Variants in ATP10A observed in about 807,000 individuals in gnomAD.
ATP10A encodes phospholipid-transporting ATPase VA.
In ATP10A, 111 loss-of-function variants were observed where a neutral mutation model predicts 147.8. That is an observed-to-expected ratio of 0.75 (90% confidence interval 0.64 to 0.88). ATP10A has a LOEUF of 0.88. Among genes scored for constraint, ATP10A ranks in the 40% least tolerant of loss-of-function variants. ATP10A has a pLI of 0.00. For missense variants in ATP10A, 1,927 were observed against 1,959.0 expected, an observed-to-expected ratio of 0.98 and a Z score of 0.31; for synonymous variants, 875 against 841.6, an observed-to-expected ratio of 1.04 and a Z score of -0.69.
At chr15:25,697,334 T>C (rs1900395015) in intron 13 of ATP10A, among the ~76,000 whole-genome samples, 2 of 152,262 alleles carry the variant, frequency 1.3e-5, no homozygotes, top group Non-Finnish European at 1.5e-5. Context: ...ACATTCTCCA[T>C]AGAAATTAAA....
At chr15:25,817,382 C>T (rs1163045698) in intron 1 of ATP10A, among the ~76,000 whole-genome samples, 3 of 152,146 alleles carry the variant, frequency 2.0e-5, no homozygotes, top group African/African-American at 7.2e-5. Context: ...CGCACCCAGC[C>T]TCTCTCTCTA....
intron 1 of ATP10A, among the ~76,000 whole-genome samples, chr15:25,823,899 A>C (rs1376501588): frequency 2.6e-5 from 4 of 152,230 alleles, no homozygotes; most frequent in Admixed American, 2.0e-4. Context: ...GGAGCCAGAG[A>C]GTAAACATAT....
chr15:25,803,683 G>A (rs763729556), intron 1 of ATP10A, among the ~76,000 whole-genome samples: 166 of 147,502 alleles, frequency 1.1e-3, no homozygotes, highest in Non-Finnish European at 5.5e-4. Context: ...TTGCACTTCC[G>A]GGACAGCCCA....
chr15:25,699,527 C>T (rs979048638), intron 13 of ATP10A, among the ~76,000 whole-genome samples: 1 of 151,982 alleles, frequency 6.6e-6, no homozygotes, highest in Non-Finnish European at 1.5e-5. Flanking sequence ...CATAATTAGG[C>T]ACATCTTAGA....
intron 2 of ATP10A, among the ~76,000 whole-genome samples, chr15:25,769,811 G>C (rs748400923): frequency 1.6e-4 from 25 of 152,274 alleles, no homozygotes; most frequent in Middle Eastern, 3.4e-3. Context: ...AGATTCATGC[G>C]TTCAAATCCT....
chr15:25,695,425 A>G (rs1033936879), intron 13 of ATP10A, among the ~76,000 whole-genome samples: 4 of 151,954 alleles, frequency 2.6e-5, no homozygotes, highest in Non-Finnish European at 4.4e-5. Flanking sequence ...TCAGGAGATC[A>G]AGACCATCCT....
chr15:25,683,844 G>A (rs936510919), intron 16 of ATP10A: 2 of 233,028 alleles, frequency 8.6e-6, no homozygotes, highest in Non-Finnish European at 1.7e-5. Flanking sequence ...ATTTCAAGAG[G>A]GCCAGTTGAG....
intron 2 of ATP10A, among the ~76,000 whole-genome samples, chr15:25,780,542 C>T (rs1442338240): frequency 6.6e-6 from 1 of 152,176 alleles, no homozygotes; most frequent in Admixed American, 6.5e-5. Flanking sequence ...CCTCTCACCC[C>T]TCACCCTGCT....
chr15:25,843,039 C>T (rs1892872643), intron 1 of ATP10A, among the ~76,000 whole-genome samples: 1 of 152,158 alleles, frequency 6.6e-6, no homozygotes, highest in Non-Finnish European at 1.5e-5. Context: ...ACTTAAATAT[C>T]AAAATGATCA....
rs147934022 is a variant in ATP10A, at chr15:25,818,927, C to T, written c.450-37704G>A. Reference sequence around the variant, plus strand: ...GGACCCCTATCTCTCACTCTATACACAAATCAAGATAGATTAAAGACTTAA... The same window carrying T: ...GGACCCCTATCTCTCACTCTATACATAAATCAAGATAGATTAAAGACTTAA... On this transcript the variant is annotated intron_variant, in intron 1 of 20. Transcript: ENST00000555815. Among the ~76,000 whole-genome samples the T allele has an allele frequency of 1.2e-3, 181 of 152,158 alleles. 1 individual carries two copies. The highest frequency in any genetic ancestry group is 4.2e-3 in the African/African-American group (174 of 41,532).
intron 9 of ATP10A, among the ~76,000 whole-genome samples, chr15:25,715,282 A>G (rs557687824): frequency 6.6e-6 from 1 of 152,354 alleles, no homozygotes; most frequent in East Asian, 1.9e-4. Flanking sequence ...GCTGGGAGAC[A>G]TAGGCACCTG....
At chr15:25,854,809 G>A (rs1235373743) in intron 1 of ATP10A, among the ~76,000 whole-genome samples, 1 of 152,184 alleles carries the variant, frequency 6.6e-6, no homozygotes, top group Non-Finnish European at 1.5e-5. Context: ...TGTAATCCCA[G>A]CACTTTGGGA....
intron 2 of ATP10A, among the ~76,000 whole-genome samples, chr15:25,737,254 T>C (rs1329960653): frequency 1.3e-5 from 2 of 152,248 alleles, no homozygotes; most frequent in African/African-American, 4.8e-5. Context: ...AGGAGTCTTG[T>C]GTTTATTTAA....
chr15:25,862,770 G>T lies in ATP10A; in HGVS notation c.327C>A (p.Gly109=). The T allele has an allele frequency of 6.2e-7, 1 of 1,611,354 alleles. No homozygotes were observed. Residue 109 remains glycine (G), a synonymous_variant, in exon 1 of 21, where the codon GGC becomes GGA. Transcript: ENST00000555815. ...TGAAGAGCACCGGCGCCAGTGCCAG[G>T]CCGGGCTGGAAGGCGTTCACCGCCG... ...FVPAVNAFQP[G]LALAPVLFIL...
At position 25,718,250 on chromosome 15, in the gene ATP10A, T is replaced by C. The variant is rs1271139902; in HGVS notation, c.1513A>G (p.Thr505Ala). The C allele has an allele frequency of 6.2e-7, 1 of 1,612,920 alleles. No homozygotes were observed. The highest frequency in any genetic ancestry group is 1.1e-5 in the South Asian group (1 of 91,058). Residue 505 changes from threonine to alanine, a missense_variant, in exon 8 of 21, where the codon ACG becomes GCG. Coordinates refer to ENST00000555815, the MANE Select transcript of ATP10A (RefSeq NM_024490.4). ...RTQSTKSHRR[T>A]GSRAEAKRAS... ...CTCTTGGCCTCGGCCCGGCTGCCCGTGCGCCGGTGGGACTTGGTGCTCTGG... is the reference window on the plus strand; with the variant it reads ...CTCTTGGCCTCGGCCCGGCTGCCCGCGCGCCGGTGGGACTTGGTGCTCTGG...
intron 2 of ATP10A, among the ~76,000 whole-genome samples, chr15:25,749,840 A>G (rs1408147690): frequency 2.0e-5 from 3 of 152,208 alleles, no homozygotes; most frequent in African/African-American, 7.2e-5. Context: ...GAGACAAAAA[A>G]TAAACTGAAA....
intron 1 of ATP10A, among the ~76,000 whole-genome samples, chr15:25,791,238 C>T (rs1890409872): frequency 6.8e-6 from 1 of 148,032 alleles, no homozygotes; most frequent in Non-Finnish European, 1.5e-5. Context: ...CCCCACCACA[C>T]TTGGCTAGGG....
chr15:25,834,505 T>C (rs937522500), intron 1 of ATP10A, among the ~76,000 whole-genome samples: 2 of 152,164 alleles, frequency 1.3e-5, no homozygotes, highest in Non-Finnish European at 1.5e-5. Context: ...CAGGTAAGCA[T>C]TGGAGGATGT....
chr15:25,676,471 C>T (rs1295121356), downstream of ATP10A, among the ~76,000 whole-genome samples: 1 of 152,220 alleles, frequency 6.6e-6, no homozygotes, highest in Non-Finnish European at 1.5e-5. Context: ...TTTCTAGTCA[C>T]AAATAAGGAC....
Sources: gnomAD v4.1 joint callset for allele counts (sites outside exome capture counted in the v4.1 genomes callset) on GRCh38, gnomAD v4.1.1 for gene constraint, MANE v1.5 for transcripts, NCBI Gene and HGNC (gene_info 2026-07-23, HGNC 2026-07-21) for gene names.